MCF2L2: variants seen among roughly 807,000 people sequenced by gnomAD.
The protein encoded by MCF2L2 is probable guanine nucleotide exchange factor MCF2L2.
MCF2L2 carries 102 observed loss-of-function variants against 150.2 expected under a neutral mutation model. That is an observed-to-expected ratio of 0.68 (90% CI 0.58 to 0.80). The LOEUF is 0.80. MCF2L2 is among the 30% of genes least tolerant of loss of function. MCF2L2 has a pLI of 0.00. For missense variants in MCF2L2, 1,256 were observed against 1,372.8 expected, an observed-to-expected ratio of 0.91 and a Z score of 1.34; for synonymous variants, 465 against 491.3, an observed-to-expected ratio of 0.95 and a Z score of 0.71.
intron 3 of MCF2L2, among the ~76,000 whole-genome samples, chr3:183,344,488 A>T (rs1174357708): frequency 1.3e-5 from 2 of 152,210 alleles, no homozygotes; most frequent in Non-Finnish European, 2.9e-5. Flanking sequence ...AAATGTAAAG[A>T]CCATCAACAC....
At chr3:183,203,761 T>C (rs1722377897) in intron 25 of MCF2L2, among the ~76,000 whole-genome samples, 1 of 150,842 alleles carries the variant, frequency 6.6e-6, no homozygotes. Context: ...GAAATATAAA[T>C]TCAAAGAGAT....
chr3:183,406,541 TGCA>T (rs1400343535), intron 1 of MCF2L2, among the ~76,000 whole-genome samples: 1 of 152,150 alleles, frequency 6.6e-6, no homozygotes, highest in Non-Finnish European at 1.5e-5. Context: ...CAGGCTGGAG[TGCA>T]GTAGCACAAT....
At chr3:183,390,273 C>A (rs1442246733) in intron 1 of MCF2L2, among the ~76,000 whole-genome samples, 2 of 152,158 alleles carry the variant, frequency 1.3e-5, no homozygotes, top group Non-Finnish European at 2.9e-5. Flanking sequence ...CTACTTATCT[C>A]CATTCCTTTT....
rs184991389 is a variant in MCF2L2, at chr3:183,268,248, T to C, written c.1862+8624A>G. Among the ~76,000 whole-genome samples, 233 of 152,330 alleles carry C rather than the reference T, an allele frequency of 1.5e-3. 1 individual carries two copies. The highest frequency in any genetic ancestry group is 4.8e-3 in the African/African-American group (200 of 41,576). On this transcript the variant is annotated intron_variant, in intron 15 of 29. Coordinates refer to ENST00000328913, the MANE Select transcript of MCF2L2 (RefSeq NM_015078.4). ...GGGACCAAACAGCTGGAGAGGCAGA[T>C]CCTAAAGGGTCCTGTGGGCCAGGCT...
intron 3 of MCF2L2, chr3:183,375,378 G>C (rs988604479): frequency 2.6e-5 from 4 of 152,112 alleles, no homozygotes; most frequent in African/African-American, 9.7e-5. Flanking sequence ...TCTCTTACAG[G>C]TCTGGATTGA....
Position 183,233,406 on chromosome 3 carries a change from G to A in MCF2L2, c.1863-2389C>T, listed in dbSNP as rs543045594. On this transcript the variant is annotated intron_variant, in intron 15 of 29. Transcript: ENST00000328913. ...TAGATATAGATAGATATATGTGTGT[G>A]TGTGTGTATATATATATACATATAT... Among the ~76,000 whole-genome samples, 9 of 151,780 alleles carry A rather than the reference G, an allele frequency of 5.9e-5. No homozygotes were observed. The East Asian group carries it at 1.5e-3, about 26-fold the overall frequency.
chr3:183,312,550 A>G (rs1441791700), intron 7 of MCF2L2, among the ~76,000 whole-genome samples: 2 of 152,246 alleles, frequency 1.3e-5, no homozygotes, highest in Non-Finnish European at 2.9e-5. Flanking sequence ...TTCCTGGGTC[A>G]GAGGAGGCTG....
chr3:183,228,235 A>ATTGTC (rs1432067739), intron 18 of MCF2L2, 62 bp downstream of exon 18: 1 of 1,280,438 alleles, frequency 7.8e-7, no homozygotes, highest in Non-Finnish European at 1.1e-6. Flanking sequence ...TGTCCTTGCC[A>ATTGTC]CTTAACGCAG....
chr3:183,184,911 T>C (rs996381619), intron 27 of MCF2L2, among the ~76,000 whole-genome samples: 3 of 147,486 alleles, frequency 2.0e-5, no homozygotes, highest in African/African-American at 5.2e-5. Flanking sequence ...GCACAACTTT[T>C]TTTTTCTTTT....
intron 1 of MCF2L2, among the ~76,000 whole-genome samples, chr3:183,424,160 G>A (rs987200161): frequency 2.6e-5 from 4 of 152,206 alleles, no homozygotes; most frequent in Non-Finnish European, 5.9e-5. Context: ...CTGAAATTCT[G>A]TAAACCAATG....
intron 5 of MCF2L2, among the ~76,000 whole-genome samples, chr3:183,328,643 A>G (rs58187004): frequency 0.13 from 19,486 of 152,218 alleles, 1,333 homozygotes; most frequent in African/African-American, 0.14. Flanking sequence ...GTGATATGGC[A>G]CCAAAAGCAT....
intron 25 of MCF2L2, among the ~76,000 whole-genome samples, chr3:183,204,076 A>C (rs989605754): frequency 6.6e-6 from 1 of 152,218 alleles, no homozygotes; most frequent in Non-Finnish European, 1.5e-5. Context: ...CATGTAAAAA[A>C]AGGAACTTGG....
rs528893197 is a variant in MCF2L2 at position 183,395,188 on chromosome 3, T to C, written c.77-5409A>G. Among the ~76,000 whole-genome samples the C allele has an allele frequency of 6.1e-4, 93 of 152,330 alleles. 1 individual carries two copies. The highest frequency in any genetic ancestry group is 2.2e-3 in the African/African-American group (92 of 41,566). On this transcript the variant is annotated intron_variant, in intron 1 of 29. Transcript: ENST00000328913. ...TATCATGAGAACATAATAAAAACTT[T>C]ATATGTAATGGCATAGACTGTGATG... is the stretch of plus-strand genomic sequence containing the variant.
intron 15 of MCF2L2, among the ~76,000 whole-genome samples, chr3:183,237,897 G>T (rs1291318202): frequency 6.1e-5 from 6 of 98,254 alleles, no homozygotes; most frequent in South Asian, 4.0e-4. Context: ...TCTGGTATGT[G>T]GTGTCTTTGT....
At chr3:183,350,632 C>T (rs574225649) in intron 3 of MCF2L2, among the ~76,000 whole-genome samples, 3 of 152,152 alleles carry the variant, frequency 2.0e-5, no homozygotes, top group Non-Finnish European at 4.4e-5. Context: ...AGGCCGGGCG[C>T]GGGGGCTCAC....
chr3:183,394,458 A>G (rs922739888), intron 1 of MCF2L2, among the ~76,000 whole-genome samples: 1 of 152,222 alleles, frequency 6.6e-6, no homozygotes, highest in African/African-American at 2.4e-5. Flanking sequence ...GAAACTCTGG[A>G]CCAGAGGCTC....
intron 16 of MCF2L2, among the ~76,000 whole-genome samples, chr3:183,230,329 G>A (rs1303674979): frequency 6.6e-6 from 1 of 152,144 alleles, no homozygotes; most frequent in East Asian, 1.9e-4. Flanking sequence ...GGCCAGGCTG[G>A]TCTCAAACTT....
intron 3 of MCF2L2, among the ~76,000 whole-genome samples, chr3:183,361,229 C>T (rs1317170641): frequency 1.3e-5 from 2 of 152,178 alleles, no homozygotes; most frequent in East Asian, 1.9e-4. Flanking sequence ...CAAAACATGG[C>T]ATCATAGGTG....
At chr3:183,186,043 T>C (rs1159056783) in intron 27 of MCF2L2, among the ~76,000 whole-genome samples, 1 of 152,024 alleles carries the variant, frequency 6.6e-6, no homozygotes, top group Non-Finnish European at 1.5e-5. Flanking sequence ...CTTTATAACC[T>C]AGCTTTACCT....
Sources: allele counts gnomAD v4.1 joint callset (sites outside exome capture counted in the v4.1 genomes callset), GRCh38; gene constraint gnomAD v4.1.1; transcripts MANE v1.5; gene names NCBI Gene and HGNC (gene_info 2026-07-23, HGNC 2026-07-21).